The following SDC2 variants were observed in gnomAD, a reference collection of about 807,000 sequenced individuals.
The protein encoded by SDC2 is syndecan 2.
A neutral mutation model predicts 22.2 loss-of-function variants in SDC2; 13 were observed. The ratio of observed to expected loss-of-function variants is 0.59; its 90% CI spans 0.38 to 0.93. The LOEUF is 0.93. Ranked by LOEUF, SDC2 falls within the 40% of genes least tolerant of loss-of-function variation. The probability of loss-of-function intolerance (pLI) is 0.00; values close to 1 mark genes in which losing one functional copy is unlikely to be tolerated. For synonymous variants in SDC2, 94 were observed against 92.8 expected (o/e 1.01, Z -0.07); for missense variants, 235 against 246.8 (o/e 0.95, Z 0.32).
At chr8:96,534,358 C>T (rs1813718027) in intron 1 of SDC2, among the ~76,000 whole-genome samples, 1 of 152,192 alleles carries the variant, frequency 6.6e-6, no homozygotes, top group South Asian at 2.1e-4. Context: ...CGAGGGCTGC[C>T]AGCACGCTGT....
At chr8:96,549,533 T>C (rs888333008) in intron 1 of SDC2, among the ~76,000 whole-genome samples, 1 of 152,178 alleles carries the variant, frequency 6.6e-6, no homozygotes. Flanking sequence ...TAGAACCAAT[T>C]TGGCCCCTAA....
intron 2 of SDC2, among the ~76,000 whole-genome samples, chr8:96,594,539 C>T (rs1427410452): frequency 6.6e-6 from 1 of 152,160 alleles, no homozygotes; most frequent in African/African-American, 2.4e-5. Flanking sequence ...CCAGAACAGA[C>T]TCCACCTCTT....
At chr8:96,525,565 C>T (rs867754330) in intron 1 of SDC2, among the ~76,000 whole-genome samples, 1 of 152,168 alleles carries the variant, frequency 6.6e-6, no homozygotes, top group Non-Finnish European at 1.5e-5. Context: ...TGTTTGCCAT[C>T]TCCTTTAGAG....
chr8:96,511,519 G>A (rs995379543), intron 1 of SDC2, among the ~76,000 whole-genome samples: 5 of 152,170 alleles, frequency 3.3e-5, no homozygotes, highest in Non-Finnish European at 7.3e-5. Flanking sequence ...CCAGCCCTTA[G>A]AACGCCCTTA....
chr8:96,563,236 G>T (rs948280644), intron 1 of SDC2, among the ~76,000 whole-genome samples: 6 of 152,046 alleles, frequency 3.9e-5, no homozygotes, highest in Admixed American at 3.9e-4. Flanking sequence ...GGCTTTCCTA[G>T]CCCTTCCTAG....
intron 1 of SDC2, among the ~76,000 whole-genome samples, chr8:96,555,327 C>T (rs1814091682): frequency 6.6e-6 from 1 of 152,060 alleles, no homozygotes; most frequent in Non-Finnish European, 1.5e-5. Flanking sequence ...ATCAGCTGAT[C>T]GTCTAGCACT....
rs143693366 is a variant in SDC2 at position 96,609,391 on chromosome 8, T to C, written c.449T>C (p.Ile150Thr). Residue 150 changes from isoleucine to threonine, a missense_variant, in exon 5 of 5, where the codon ATT becomes ACT. Transcript: ENST00000302190. ...TTCCTTTTGGTTGTTTCAGCTGTCA[T>C]TGCTGGTGGAGTTATTGGCTTTCTC... ...FKRTEVLAAVIAGGVIGFLFA... is the reference protein window; with the variant it reads ...FKRTEVLAAVTAGGVIGFLFA... The C allele has an allele frequency of 1.3e-4, 204 of 1,611,008 alleles. No individual in the cohort carries two copies. Among genetic ancestry groups the C allele is most frequent in the South Asian group, 9.9e-4 (90 of 90,518 alleles).
intron 1 of SDC2, among the ~76,000 whole-genome samples, chr8:96,513,176 A>G (rs1453631351): frequency 6.6e-6 from 1 of 152,234 alleles, no homozygotes; most frequent in Non-Finnish European, 1.5e-5. Context: ...CATATTCAAA[A>G]TAACATGGTA....
chr8:96,598,938 A>G (rs1586323689), intron 2 of SDC2, among the ~76,000 whole-genome samples: 1 of 137,284 alleles, frequency 7.3e-6, no homozygotes, highest in Non-Finnish European at 1.6e-5. Context: ...ATCTGTCTCT[A>G]TCTTTTTTTT....
At chr8:96,566,755 C>T (rs2130573746) in intron 1 of SDC2, among the ~76,000 whole-genome samples, 1 of 151,508 alleles carries the variant, frequency 6.6e-6, no homozygotes, top group South Asian at 2.1e-4. Context: ...ATTTGAGAAG[C>T]ATGTGCCCTG....
chr8:96,495,288 T>G lies in SDC2; in HGVS notation c.60+957T>G, dbSNP rs2130407233. Among the ~76,000 whole-genome samples the G allele has an allele frequency of 1.3e-5, 2 of 152,292 alleles. 1 individual carries two copies. Among genetic ancestry groups the G allele is most frequent in the African/African-American group, 4.8e-5 (2 of 41,582 alleles). On this transcript the variant is annotated intron_variant, in intron 1 of 4. Coordinates refer to ENST00000302190, the MANE Select transcript of SDC2 (RefSeq NM_002998.4). ...GCGGAGCGCCTGCCGGCACCCAGCT[T>G]CCCTCCCCCGCCCTGGCGGTGGGAA... is the stretch of plus-strand genomic sequence containing the variant.
chr8:96,495,444 G>GAGCT (rs1813058087), intron 1 of SDC2, among the ~76,000 whole-genome samples: 1 of 152,182 alleles, frequency 6.6e-6, no homozygotes. Context: ...TGGGCGCCAG[G>GAGCT]AGCTCTGTCG....
intron 1 of SDC2, among the ~76,000 whole-genome samples, chr8:96,533,787 A>G (rs991598360): frequency 2.6e-5 from 4 of 152,202 alleles, no homozygotes; most frequent in Admixed American, 1.3e-4. Context: ...GCTTCACCCA[A>G]TGGATCCTGC....
In SDC2 at chr8:96,609,405, A is replaced by G. The variant is rs1815138359; in HGVS notation, c.463A>G (p.Ile155Val). The change falls in exon 5 of 5, where the codon ATT becomes GTT. Residue 155 changes from isoleucine to valine, a missense_variant. Physicochemically the swap from Ile to Val is conservative, Grantham distance 29. Coordinates refer to ENST00000302190, the MANE Select transcript of SDC2 (RefSeq NM_002998.4). ...VLAAVIAGGV[I>V]GFLFAIFLIL... Reference sequence around the variant, plus strand: ...TTCAGCTGTCATTGCTGGTGGAGTTATTGGCTTTCTCTTTGCAATTTTTCT... The same window carrying G: ...TTCAGCTGTCATTGCTGGTGGAGTTGTTGGCTTTCTCTTTGCAATTTTTCT... 6.2e-7 allele frequency: 1 copy of G among 1,611,944 alleles called. No homozygotes were observed. Among genetic ancestry groups the G allele is most frequent in the Non-Finnish European group, 8.5e-7 (1 of 1,179,078 alleles).
At chr8:96,574,449 G>A (rs144374482) in intron 1 of SDC2, among the ~76,000 whole-genome samples, 2 of 152,332 alleles carry the variant, frequency 1.3e-5, no homozygotes, top group African/African-American at 4.8e-5. Context: ...ATCTAGAGCT[G>A]TCATTTGGCT....
At chr8:96,499,049 G>A (rs1813119106) in intron 1 of SDC2, among the ~76,000 whole-genome samples, 1 of 151,944 alleles carries the variant, frequency 6.6e-6, no homozygotes, top group African/African-American at 2.4e-5. Context: ...ATTTATAAGC[G>A]GCCCCATAAT....
intron 1 of SDC2, among the ~76,000 whole-genome samples, chr8:96,505,959 A>G (rs974657053): frequency 1.3e-5 from 2 of 152,238 alleles, no homozygotes; most frequent in African/African-American, 4.8e-5. Flanking sequence ...TATGTGTTAT[A>G]TGTAAAATAT....
intron 1 of SDC2, among the ~76,000 whole-genome samples, chr8:96,500,887 G>C (rs539185331): frequency 2.0e-4 from 31 of 152,308 alleles, no homozygotes; most frequent in Non-Finnish European, 3.2e-4. Context: ...CAAAGAATTG[G>C]TAGGAGTGGG....
chr8:96,519,925 G>T (rs2582821), intron 1 of SDC2, among the ~76,000 whole-genome samples: 28,176 of 152,120 alleles, frequency 0.19, 2,810 homozygotes, highest in African/African-American at 0.24. Context: ...ACCACGCTCG[G>T]CGTTAGAAGT....
Sources: allele counts gnomAD v4.1 joint callset (sites outside exome capture counted in the v4.1 genomes callset), GRCh38; gene constraint gnomAD v4.1.1; transcripts MANE v1.5; gene names NCBI Gene and HGNC (gene_info 2026-07-23, HGNC 2026-07-21).